RBBP8: variants seen among roughly 807,000 people sequenced by gnomAD.
The protein encoded by RBBP8 is DNA endonuclease RBBP8.
Under a neutral mutation model 108.3 loss-of-function variants are expected in RBBP8, and 88 were observed. The observed-to-expected ratio is 0.81, with a 90% CI of 0.68 to 0.97. RBBP8 has a LOEUF of 0.97. Among genes scored for constraint, RBBP8 ranks in the 50% least tolerant of loss-of-function variants. The probability of loss-of-function intolerance (pLI) is 0.00; values close to 1 mark genes in which losing one functional copy is unlikely to be tolerated. For missense variants in RBBP8, 1,023 were observed against 1,049.0 expected (o/e 0.98, Z 0.34); for synonymous variants, 332 against 348.2 (o/e 0.95, Z 0.52).
At chr18:22,993,999 G>A (rs537952841) in intron 12 of RBBP8, 152 bp downstream of exon 12, 15 of 644,494 alleles carry the variant, frequency 2.3e-5, no homozygotes, top group Middle Eastern at 4.7e-4. Flanking sequence ...ACATTTTACC[G>A]GTGATTTTTC....
chr18:22,978,987 G>T (rs182087075), intron 6 of RBBP8, among the ~76,000 whole-genome samples: 62 of 152,268 alleles, frequency 4.1e-4, no homozygotes, highest in Admixed American at 1.4e-3. Context: ...ATAAAATTTG[G>T]CTGGGCACAG....
intron 4 of RBBP8, among the ~76,000 whole-genome samples, chr18:22,953,744 T>A (rs977165002): frequency 2.4e-4 from 37 of 152,088 alleles, no homozygotes; most frequent in East Asian, 3.9e-4. Context: ...ATTTTTTTTT[T>A]ATTTTTATTT....
At chr18:22,961,419 C>T (rs6507401) in intron 4 of RBBP8, among the ~76,000 whole-genome samples, 152,006 of 152,316 alleles carry the variant, frequency 1, 75,850 homozygotes, top group Middle Eastern at 1. Flanking sequence ...CTTCTTACAC[C>T]CCAGAGTGAG....
intron 1 of RBBP8, among the ~76,000 whole-genome samples, chr18:22,914,650 C>T (rs1421149409): frequency 2.0e-5 from 3 of 152,086 alleles, no homozygotes; most frequent in Non-Finnish European, 2.9e-5. Flanking sequence ...GTTTTATAGG[C>T]TGTTGCTATA....
intron 3 of RBBP8, among the ~76,000 whole-genome samples, chr18:22,926,612 G>A (rs1370331499): frequency 6.6e-6 from 1 of 152,100 alleles, no homozygotes; most frequent in Non-Finnish European, 1.5e-5. Flanking sequence ...ATTACTGATG[G>A]GAAATGAAGC....
intron 4 of RBBP8, among the ~76,000 whole-genome samples, chr18:22,951,390 A>G (rs1912022173): frequency 1.3e-5 from 2 of 152,252 alleles, no homozygotes; most frequent in Non-Finnish European, 2.9e-5. Flanking sequence ...CAAACAAATG[A>G]GACAATTTCA....
chr18:22,950,033 C>G, intron 4 of RBBP8: 1 of 218,932 alleles, frequency 4.6e-6, no homozygotes, highest in Non-Finnish European at 9.1e-6. Flanking sequence ...CTTCACAATT[C>G]TGTTTCTGTC....
chr18:22,956,744 C>G (rs568953476), intron 4 of RBBP8, among the ~76,000 whole-genome samples: 1 of 152,090 alleles, frequency 6.6e-6, no homozygotes, highest in South Asian at 2.1e-4. Context: ...AAGGGAATTA[C>G]CTAGTAAAAG....
intron 9 of RBBP8, among the ~76,000 whole-genome samples, 197 bp from the exon 10 acceptor site, chr18:22,990,740 A>G (rs528430246): frequency 6.6e-6 from 1 of 152,226 alleles, no homozygotes; most frequent in Admixed American, 6.5e-5. Context: ...GGCAACTTCC[A>G]ATCTGCTTTC....
upstream of RBBP8, among the ~76,000 whole-genome samples, chr18:22,931,271 G>A (rs1323033791): frequency 2.0e-5 from 3 of 152,100 alleles, no homozygotes; most frequent in Non-Finnish European, 4.4e-5. Flanking sequence ...ACAATAGCAC[G>A]CAATGGCCTA....
rs755757722 is a variant in RBBP8, at chr18:22,989,208, T to C, written c.710-13T>C. On this transcript the variant is annotated splice_polypyrimidine_tract_variant and intron_variant, in intron 8 of 18. Transcript: ENST00000327155. ...TTTATTATTTATTAAAATGGTTTAT[T>C]ATTTATTCTTAGAAGCACATGGAAC... 12 of 1,560,178 alleles carry C rather than the reference T, an allele frequency of 7.7e-6. No homozygotes were observed. Among genetic ancestry groups the C allele is most frequent in the South Asian group, 2.2e-5 (2 of 89,528 alleles).
rs764260133 is a variant in RBBP8 at position 22,982,371 on chromosome 18, G to A, written c.582G>A (p.Leu194=). 2 of 1,614,022 alleles carry A rather than the reference G, an allele frequency of 1.2e-6. No individual in the cohort carries two copies. Among genetic ancestry groups the A allele is most frequent in the South Asian group, 2.2e-5 (2 of 91,084 alleles). Residue 194 remains leucine, a synonymous_variant, in exon 7 of 19, where the codon TTG becomes TTA. Coordinates refer to ENST00000327155, the MANE Select transcript of RBBP8 (RefSeq NM_002894.3). ...VRYIEQTHTK[L]EHSVCANEMR... ...ACATAGAACAAACACATACTAAATT[G>A]GAGCACTCTGTGTGTGCAAATGGTA...
chr18:22,977,470 A>T (rs950450865), intron 6 of RBBP8, among the ~76,000 whole-genome samples: 5 of 152,062 alleles, frequency 3.3e-5, no homozygotes, highest in Non-Finnish European at 7.4e-5. Context: ...CTATAAAGTT[A>T]AAAATGTGTA....
chr18:22,926,935 C>G (rs1909810726), intron 3 of RBBP8, among the ~76,000 whole-genome samples: 1 of 152,192 alleles, frequency 6.6e-6, no homozygotes, highest in South Asian at 2.1e-4. Context: ...AATCTGGAAT[C>G]TTGGCACCAT....
At position 23,026,408 on chromosome 18, in the gene RBBP8, T is replaced by A. The variant is rs551351149; in HGVS notation, c.*168T>A. ...TTTTGCTTTTGCACCTTTAAAACAA[T>A]AAGGCGCTTTCATTTTGCACTCTAA... On this transcript the variant is annotated 3_prime_UTR_variant, in exon 19 of 19. Transcript: ENST00000327155. 26 of 626,318 alleles carry A rather than the reference T, an allele frequency of 4.2e-5. No individual in the cohort carries two copies. In the East Asian group the frequency reaches 7.8e-4, roughly 19 times the overall value. 38.8% of individuals were successfully genotyped at this position (626,318 alleles called of 1,614,324 possible).
intron 5 of RBBP8, among the ~76,000 whole-genome samples, chr18:22,969,774 C>T (rs1027731551): frequency 1.3e-5 from 2 of 152,128 alleles, no homozygotes; most frequent in Non-Finnish European, 2.9e-5. Context: ...TTAATGTTAT[C>T]ATACCATACT....
upstream of RBBP8, among the ~76,000 whole-genome samples, chr18:22,928,937 A>AG (rs1312492438): frequency 1.3e-5 from 2 of 152,108 alleles, no homozygotes. Context: ...CCCAAAGTGC[A>AG]GGGATTATAG....
At position 22,939,454 on chromosome 18, in the gene RBBP8, A is replaced by G. The variant is rs560643843; in HGVS notation, c.109+2494A>G. ...CCCAGGAGAATCGTTTGAACCCAGG[A>G]GGCGGAGGTTGCAGTGAGCTGAGAT... is the stretch of plus-strand genomic sequence containing the variant. On this transcript the variant is annotated intron_variant, in intron 2 of 18. Coordinates refer to ENST00000327155, the MANE Select transcript of RBBP8 (RefSeq NM_002894.3). Among the ~76,000 whole-genome samples, 165 of 152,224 alleles carry G rather than the reference A, an allele frequency of 1.1e-3. 1 individual carries two copies. The highest frequency in any genetic ancestry group is 3.4e-3 in the Middle Eastern group (1 of 294).
chr18:22,945,592 G>A (rs1209759015), intron 2 of RBBP8, among the ~76,000 whole-genome samples: 2 of 151,880 alleles, frequency 1.3e-5, no homozygotes, highest in Admixed American at 6.6e-5. Context: ...CACGTTGATC[G>A]GGCTGGTCTC....
Sources: allele counts gnomAD v4.1 joint callset (sites outside exome capture counted in the v4.1 genomes callset), GRCh38; gene constraint gnomAD v4.1.1; transcripts MANE v1.5; gene names NCBI Gene and HGNC (gene_info 2026-07-23, HGNC 2026-07-21).